Variants in CNOT1 observed in about 807,000 individuals in gnomAD.
CNOT1 encodes the protein CCR4-associated factor 1.
CNOT1 carries 15 observed loss-of-function variants against 273.8 expected under a neutral mutation model. The observed-to-expected ratio is 0.05, with a 90% confidence interval of 0.04 to 0.08. The LOEUF (loss-of-function observed/expected upper bound fraction) is 0.08. CNOT1 is among the 10% of genes least tolerant of loss of function. CNOT1 has a pLI of 1.00. For missense variants in CNOT1, 1,644 were observed against 2,912.2 expected (o/e 0.56, Z 10.02); for synonymous variants, 1,022 against 1,005.5 (o/e 1.02, Z -0.31).
intron 25 of CNOT1, chr16:58,548,632 C>G (rs754657009): frequency 1.9e-6 from 1 of 518,518 alleles, no homozygotes; most frequent in Non-Finnish European, 3.8e-6. Flanking sequence ...AAATATAGTG[C>G]TGGTTCCTAA....
intron 2 of CNOT1, among the ~76,000 whole-genome samples, chr16:58,594,036 G>C (rs1180132181): frequency 6.6e-6 from 1 of 152,112 alleles, no homozygotes; most frequent in African/African-American, 2.4e-5. Context: ...CCTGAGGTCG[G>C]GAGTTCAAAA....
Position 58,585,454 on chromosome 16 carries a change from T to C in CNOT1, c.690A>G (p.Glu230=), listed in dbSNP as rs2041802744. The change falls in exon 8 of 49, where the codon GAA becomes GAG. Residue 230 remains glutamate, a synonymous_variant. Coordinates refer to ENST00000317147, the MANE Select transcript of CNOT1 (RefSeq NM_016284.5). ...PVVLAPLLYP[E]KRDILMDRIL... ...TCCTGTCCATTAGAATGTCCCGTTT[T>C]TCAGGGTATAAAAGTGGTGCGAGCA... 1.2e-6 allele frequency: 2 copies of C among 1,613,790 alleles called. No individual in the cohort carries two copies. Among genetic ancestry groups the C allele is most frequent in the Non-Finnish European group, 1.7e-6 (2 of 1,179,988 alleles).
Position 58,605,840 on chromosome 16 carries a change from A to G in CNOT1, c.-174-6329T>C, listed in dbSNP as rs9925745. 2.5e-3 allele frequency among the ~76,000 whole-genome samples: 380 copies of G among 152,114 alleles called. 1 individual carries two copies. The highest frequency in any genetic ancestry group is 8.4e-3 in the African/African-American group (349 of 41,508). ...CACGGCTAATTTTTGTATTTTTTGT[A>G]GAGATGGGGTTTTGCCATGTTTCCC... On this transcript the variant is annotated intron_variant, in intron 1 of 48. Transcript: ENST00000317147.
intron 8 of CNOT1, 52 bp from the exon 9 acceptor site, chr16:58,583,234 T>C (rs754797358): frequency 1.1e-5 from 17 of 1,594,584 alleles, no homozygotes; most frequent in Admixed American, 5.4e-5. Flanking sequence ...AACACCGAGA[T>C]TGAGAAATTC....
chr16:58,610,565 G>A (rs965566487), intron 1 of CNOT1, among the ~76,000 whole-genome samples: 2 of 151,854 alleles, frequency 1.3e-5, no homozygotes, highest in African/African-American at 2.4e-5. Flanking sequence ...ATTAAAAGGC[G>A]GGGCGCGGTG....
rs776542419 is a variant in CNOT1 at position 58,586,751 on chromosome 16, AG to A, written c.434-4del. Reference sequence around the variant, plus strand: ...CTTCTGTTTGATAAACTGGGCAGCTAGAAGTCAGGTAAACCAAAAACCGCAA... The same window carrying A: ...CTTCTGTTTGATAAACTGGGCAGCTAAAGTCAGGTAAACCAAAAACCGCAA... On this transcript the variant is annotated splice_polypyrimidine_tract_variant and splice_region_variant and intron_variant, in intron 6 of 48. Coordinates refer to ENST00000317147, the MANE Select transcript of CNOT1 (RefSeq NM_016284.5). 11 of 1,612,296 alleles carry A rather than the reference AG, an allele frequency of 6.8e-6. No homozygotes were observed. Among genetic ancestry groups the A allele is most frequent in the Non-Finnish European group, 9.3e-6 (11 of 1,179,790 alleles).
intron 39 of CNOT1, 71 bp downstream of exon 39, chr16:58,536,918 A>AT: frequency 1.3e-6 from 2 of 1,572,588 alleles, no homozygotes; most frequent in Non-Finnish European, 1.7e-6. Context: ...CGCAATACTG[A>AT]GCTTTAATAT....
intron 1 of CNOT1, among the ~76,000 whole-genome samples, chr16:58,606,926 G>C (rs1039003546): frequency 3.9e-5 from 6 of 152,148 alleles, no homozygotes; most frequent in African/African-American, 9.7e-5. Flanking sequence ...CAGAGCTGGG[G>C]GGGGGAAAGG....
At chr16:58,620,729 T>C (rs1246239378) in intron 1 of CNOT1, among the ~76,000 whole-genome samples, 1 of 146,636 alleles carries the variant, frequency 6.8e-6, no homozygotes, top group Non-Finnish European at 1.5e-5. Context: ...TTGACTATAA[T>C]ACAACACAGT....
intron 16 of CNOT1, 104 bp from the exon 17 acceptor site, chr16:58,560,466 T>C (rs2040795997): frequency 6.8e-7 from 1 of 1,475,802 alleles, no homozygotes; most frequent in African/African-American, 1.4e-5. Flanking sequence ...GGAGTCTCAC[T>C]CTGTCACCCA....
At chr16:58,622,128 C>A (rs868318552) in intron 1 of CNOT1, among the ~76,000 whole-genome samples, 2 of 151,052 alleles carry the variant, frequency 1.3e-5, no homozygotes, top group Non-Finnish European at 3.0e-5. Context: ...CTGGCTAACA[C>A]GGTGAAACCC....
At chr16:58,624,912 G>C (rs775735697) in intron 1 of CNOT1, 3 of 151,816 alleles carry the variant, frequency 2.0e-5, no homozygotes, top group Non-Finnish European at 4.4e-5. Flanking sequence ...TATTTGGTTT[G>C]CTACATTCTT....
intron 44 of CNOT1, among the ~76,000 whole-genome samples, chr16:58,526,710 G>C (rs1313906345): frequency 6.6e-6 from 1 of 151,700 alleles, no homozygotes; most frequent in African/African-American, 2.4e-5. Flanking sequence ...CAGCTGCTCG[G>C]GAGTCTGAGG....
At chr16:58,596,313 C>T (rs1442553209) in intron 2 of CNOT1, among the ~76,000 whole-genome samples, 1 of 152,146 alleles carries the variant, frequency 6.6e-6, no homozygotes, top group Non-Finnish European at 1.5e-5. Flanking sequence ...TCTAGGTTCT[C>T]GGCATATGCT....
chr16:58,526,848 G>T (rs1219179381), intron 44 of CNOT1, among the ~76,000 whole-genome samples: 1 of 150,112 alleles, frequency 6.7e-6, no homozygotes, highest in South Asian at 2.1e-4. Context: ...AAATGCATGT[G>T]TCAGAAAGAG....
At chr16:58,622,884 G>A (rs1372444483) in intron 1 of CNOT1, among the ~76,000 whole-genome samples, 5 of 151,196 alleles carry the variant, frequency 3.3e-5, no homozygotes, top group African/African-American at 4.9e-5. Context: ...AAAGAAAAAA[G>A]AATGTTAGAT....
rs528986177 is a variant in CNOT1, at chr16:58,547,415, G to C, written c.3640-119C>G. 63 of 1,521,962 alleles carry C rather than the reference G, an allele frequency of 4.1e-5. No individual in the cohort carries two copies. In the Admixed American group the frequency reaches 9.7e-4, roughly 24 times the overall value. 94.3% of individuals were successfully genotyped at this position (1,521,962 alleles called of 1,614,324 possible). The stretch of plus-strand genomic sequence containing the variant: ...AAAACAGGAATCAACATAATGTCTA[G>C]TCCTTGCCTTACAAAAAGGGGTTAA... On this transcript the variant is annotated intron_variant, in intron 26 of 48. Coordinates refer to ENST00000317147, the MANE Select transcript of CNOT1 (RefSeq NM_016284.5). The surrounding 1 kb of genome is among the most constrained non-coding windows in gnomAD (Gnocchi z 4.0).
At chr16:58,523,244 CAAAAAAACAAA>C (rs2039471175) in intron 47 of CNOT1, 115 bp downstream of exon 47, 1 of 1,066,404 alleles carries the variant, frequency 9.4e-7, no homozygotes, top group African/African-American at 1.7e-5. Flanking sequence ...CACTCCGTCT[CAAAAAAACAAA>C]AAAAAAACCA....
intron 1 of CNOT1, among the ~76,000 whole-genome samples, chr16:58,620,057 A>G (rs1422629232): frequency 6.6e-6 from 1 of 152,172 alleles, no homozygotes; most frequent in Non-Finnish European, 1.5e-5. Flanking sequence ...TGAAAAAAAG[A>G]AAAACCAGAG....
Sources: allele counts gnomAD v4.1 joint callset (sites outside exome capture counted in the v4.1 genomes callset), GRCh38; gene constraint gnomAD v4.1.1; non-coding constraint Gnocchi (gnomAD v3.1); transcripts MANE v1.5; gene names NCBI Gene and HGNC (gene_info 2026-07-23, HGNC 2026-07-21).